ADGRL2: variants seen among roughly 807,000 people sequenced by gnomAD.
ADGRL2 encodes calcium-independent alpha-latrotoxin receptor 2.
A neutral mutation model predicts 157.4 loss-of-function variants in ADGRL2; 44 were observed. The ratio of observed to expected loss-of-function variants is 0.28; its 90% CI spans 0.22 to 0.36. The LOEUF (loss-of-function observed/expected upper bound fraction) is 0.36, where lower values mean the gene tolerates loss of function less well. ADGRL2 is among the 10% of genes least tolerant of loss of function. ADGRL2 has a pLI of 1.00. For synonymous variants in ADGRL2, 585 were observed against 624.7 expected (o/e 0.94, Z 0.95); for missense variants, 1,510 against 1,768.9 (o/e 0.85, Z 2.63).
intron 1 of ADGRL2, among the ~76,000 whole-genome samples, chr1:81,357,456 C>T (rs1663400549): frequency 6.6e-6 from 1 of 151,960 alleles, no homozygotes; most frequent in Admixed American, 6.6e-5. Context: ...ACTCTTTTAC[C>T]AGCCATTTCT....
At chr1:81,460,016 T>C (rs976061638) in intron 2 of ADGRL2, among the ~76,000 whole-genome samples, 2 of 151,986 alleles carry the variant, frequency 1.3e-5, no homozygotes, top group African/African-American at 2.4e-5. Flanking sequence ...CTTTGTCTTT[T>C]GTTATTTTTG....
chr1:81,887,901 A>G (rs2094164417), intron 2 of ADGRL2, among the ~76,000 whole-genome samples: 2 of 151,630 alleles, frequency 1.3e-5, no homozygotes, highest in South Asian at 4.1e-4. Flanking sequence ...CTCGTGACTA[A>G]TATTAGAGTA....
chr1:81,902,343 A>G (rs1245409835), intron 2 of ADGRL2, among the ~76,000 whole-genome samples: 1 of 152,162 alleles, frequency 6.6e-6, no homozygotes, highest in African/African-American at 2.4e-5. Flanking sequence ...CACACCTGTA[A>G]TCCCAGCATT....
At chr1:81,765,616 T>C (rs941996366) in intron 2 of ADGRL2, among the ~76,000 whole-genome samples, 1 of 152,044 alleles carries the variant, frequency 6.6e-6, no homozygotes, top group Non-Finnish European at 1.5e-5. Flanking sequence ...ATAAATATTT[T>C]AATGTAGTTA....
intron 2 of ADGRL2, among the ~76,000 whole-genome samples, chr1:81,535,287 C>A (rs1230283105): frequency 6.6e-6 from 1 of 152,154 alleles, no homozygotes; most frequent in African/African-American, 2.4e-5. Flanking sequence ...TTAAATATCT[C>A]TTTGGTTCTC....
intron 3 of ADGRL2, among the ~76,000 whole-genome samples, chr1:81,611,236 AT>A (rs1215970194): frequency 2.6e-5 from 4 of 152,232 alleles, no homozygotes; most frequent in Non-Finnish European, 5.9e-5. Flanking sequence ...CATGACAATT[AT>A]TGAGAGAAGG....
intron 1 of ADGRL2, among the ~76,000 whole-genome samples, chr1:81,743,216 G>A (rs2085128607): frequency 6.6e-6 from 1 of 151,940 alleles, no homozygotes; most frequent in South Asian, 2.1e-4. Flanking sequence ...CCTGGAATTA[G>A]AACAAGTTAA....
At chr1:81,570,809 C>G (rs1031552550) in intron 2 of ADGRL2, among the ~76,000 whole-genome samples, 1 of 152,074 alleles carries the variant, frequency 6.6e-6, no homozygotes, top group Non-Finnish European at 1.5e-5. Context: ...TCATTCTGCT[C>G]TCACTCAAAT....
At chr1:81,838,158 T>G (rs1176721998) in intron 2 of ADGRL2, among the ~76,000 whole-genome samples, 1 of 151,994 alleles carries the variant, frequency 6.6e-6, no homozygotes, top group Non-Finnish European at 1.5e-5. Context: ...CTTCAAAATG[T>G]TAACGTTTTA....
At chr1:81,605,095 T>C (rs754153682) in intron 3 of ADGRL2, among the ~76,000 whole-genome samples, 6 of 152,046 alleles carry the variant, frequency 3.9e-5, no homozygotes, top group Non-Finnish European at 4.4e-5. Flanking sequence ...GAGGATATGA[T>C]TTAGGGTCAC....
Position 81,553,497 on chromosome 1 carries a change from A to C in ADGRL2, c.-247-27379A>C, listed in dbSNP as rs547544939. 3.7e-4 allele frequency among the ~76,000 whole-genome samples: 57 copies of C among 152,170 alleles called. 1 individual carries two copies. Among genetic ancestry groups the C allele is most frequent in the Non-Finnish European group, 7.2e-4 (49 of 68,036 alleles). ...TGATTCAAAGGAAAAGCAAATTGAC[A>C]TTTGTAGTATTAGAGGGTACTGTTG... On this transcript the variant is annotated intron_variant, in intron 2 of 24. Transcript: ENST00000370721.
intron 17 of ADGRL2, among the ~76,000 whole-genome samples, chr1:81,979,478 C>T (rs917105202): frequency 6.6e-6 from 1 of 151,770 alleles, no homozygotes; most frequent in Admixed American, 6.6e-5. Context: ...ACAGCCAAGA[C>T]TTATGGTTTC....
chr1:81,475,066 G>A (rs1284926049), intron 2 of ADGRL2, among the ~76,000 whole-genome samples: 1 of 152,108 alleles, frequency 6.6e-6, no homozygotes, highest in Non-Finnish European at 1.5e-5. Context: ...GGCCCCCCAA[G>A]TCTTTAGCCT....
intron 3 of ADGRL2, among the ~76,000 whole-genome samples, chr1:81,933,018 A>G (rs1025087940): frequency 3.3e-5 from 5 of 152,112 alleles, no homozygotes; most frequent in Non-Finnish European, 7.4e-5. Context: ...TTGTATTTCT[A>G]ACAAGTTTTC....
In ADGRL2 at chr1:81,454,168, T is replaced by C. The variant is rs570983625; in HGVS notation, c.-248+9079T>C. On this transcript the variant is annotated intron_variant, in intron 2 of 24. Transcript: ENST00000370721. ...GTCTTGAACATCTCAATCCTCACTC[T>C]TTTTTTTTTTTCTTTTTCTTCTTCC... Among the ~76,000 whole-genome samples, 233 of 142,466 alleles carry C rather than the reference T, an allele frequency of 1.6e-3. 2 individuals carry two copies. In the Middle Eastern group the frequency reaches 0.029, roughly 18 times the overall value. The allele number at this position is 142,466 out of a possible 152,430, so 93.5% of individuals were successfully genotyped here.
intron 1 of ADGRL2, among the ~76,000 whole-genome samples, chr1:81,330,124 G>T (rs935027580): frequency 3.3e-5 from 5 of 152,100 alleles, no homozygotes; most frequent in African/African-American, 1.2e-4. Flanking sequence ...AACATCACAA[G>T]ATTAATGTCT....
In ADGRL2 at chr1:81,458,453, G is replaced by C. The variant is rs116363324; in HGVS notation, c.-248+13364G>C. 4.3e-3 allele frequency among the ~76,000 whole-genome samples: 653 copies of C among 152,326 alleles called. 6 individuals are homozygous for C. The highest frequency in any genetic ancestry group is 0.015 in the African/African-American group (616 of 41,574). On this transcript the variant is annotated intron_variant, in intron 2 of 24. Transcript: ENST00000370721. ...TTCTTTTCTGCTGCAGCCAGAGGAA[G>C]GGTTAGTGTTACAGGGTTCCTATGG...
At chr1:81,768,479 C>CTT (rs111907751) in intron 2 of ADGRL2, among the ~76,000 whole-genome samples, 50,631 of 144,166 alleles carry the variant, frequency 0.35, 10,594 homozygotes, top group East Asian at 0.77. Context: ...TGAAGTACCT[C>CTT]TTTTTTTTTT....
chr1:81,679,269 T>A (rs1268409145), intron 3 of ADGRL2, among the ~76,000 whole-genome samples: 2 of 152,056 alleles, frequency 1.3e-5, no homozygotes, highest in Non-Finnish European at 2.9e-5. Context: ...TTCCAGAATC[T>A]TAAGAGTCAA....
Sources: gnomAD v4.1 joint callset for allele counts (sites outside exome capture counted in the v4.1 genomes callset) on GRCh38, gnomAD v4.1.1 for gene constraint, MANE v1.5 for transcripts, NCBI Gene and HGNC (gene_info 2026-07-23, HGNC 2026-07-21) for gene names.